The following TDRP variants were observed in gnomAD, a reference collection of about 807,000 sequenced individuals.
TDRP encodes testis development-related protein.
In TDRP, 12 loss-of-function variants were observed where a neutral mutation model predicts 10.5. That is an observed-to-expected ratio of 1.15 (90% CI 0.73 to 1.86). TDRP has a LOEUF of 1.86. Ranked by LOEUF, TDRP falls within the 40% of genes most tolerant of loss-of-function variation. TDRP has a pLI of 0.00. For synonymous variants in TDRP, 139 were observed against 95.4 expected, an observed-to-expected ratio of 1.46 and a Z score of -2.67; for missense variants, 353 against 229.2, an observed-to-expected ratio of 1.54 and a Z score of -3.49.
At chr8:541,451 A>G (rs1802493505) in intron 1 of TDRP, among the ~76,000 whole-genome samples, 1 of 152,248 alleles carries the variant, frequency 6.6e-6, no homozygotes, top group African/African-American at 2.4e-5. Flanking sequence ...TCTGAAAAAG[A>G]CACTGTCAAG....
chr8:516,071 C>A (rs1801749882), intron 1 of TDRP, among the ~76,000 whole-genome samples: 1 of 152,064 alleles, frequency 6.6e-6, no homozygotes, highest in Non-Finnish European at 1.5e-5. Context: ...AAAAATCATA[C>A]CTGAATGCCT....
In TDRP at chr8:494,718, G is replaced by A. The variant is rs1229046653; in HGVS notation, c.109-121C>T. On this transcript the variant is annotated intron_variant, in intron 1 of 2. Transcript: ENST00000324079. ...AAGAATTGGCAGAGCTTACATCTTA[G>A]CTTTCCATACCTGTGCGCACATAGT... 8.6e-6 allele frequency: 7 copies of A among 812,354 alleles called. No homozygotes were observed. The African/African-American group carries it at 1.0e-4, about 12-fold the overall frequency. The allele number at this position is 812,354 out of a possible 1,614,324, so 50.3% of individuals were successfully genotyped here.
At chr8:504,566 G>A (rs1268427036) in intron 1 of TDRP, among the ~76,000 whole-genome samples, 2 of 152,168 alleles carry the variant, frequency 1.3e-5, no homozygotes, top group African/African-American at 2.4e-5. Context: ...GCCACAAACC[G>A]TGATTCGCAG....
chr8:528,912 C>A (rs1480121226), intron 1 of TDRP, among the ~76,000 whole-genome samples: 1 of 152,058 alleles, frequency 6.6e-6, no homozygotes, highest in South Asian at 2.1e-4. Flanking sequence ...CAAGGTCCCA[C>A]AACAGGATGT....
At chr8:504,426 A>AG (rs1801398394) in intron 1 of TDRP, among the ~76,000 whole-genome samples, 1 of 152,104 alleles carries the variant, frequency 6.6e-6, no homozygotes. Context: ...GGGGGGAGGC[A>AG]GGGGAAGGGC....
At chr8:506,098 C>T (rs1217344562) in intron 1 of TDRP, among the ~76,000 whole-genome samples, 2 of 152,140 alleles carry the variant, frequency 1.3e-5, no homozygotes, top group African/African-American at 4.8e-5. Context: ...GGGGCAGAGC[C>T]ACATGAACAC....
intron 1 of TDRP, among the ~76,000 whole-genome samples, chr8:514,685 C>A (rs914581451): frequency 6.6e-6 from 1 of 152,198 alleles, no homozygotes; most frequent in Non-Finnish European, 1.5e-5. Context: ...CTACCAGTCA[C>A]CTCAGTGCCT....
chr8:542,739 C>T (rs13275729), intron 1 of TDRP, among the ~76,000 whole-genome samples: 103,462 of 151,252 alleles, frequency 0.68, 35,695 homozygotes, highest in Admixed American at 0.76. Flanking sequence ...GACACATGCT[C>T]GTAATCCCAG....
intron 1 of TDRP, among the ~76,000 whole-genome samples, chr8:498,951 G>T (rs374002766): frequency 6.6e-6 from 1 of 151,912 alleles, no homozygotes; most frequent in Admixed American, 6.6e-5. Context: ...ACCTCCTTAC[G>T]TAAGTTTCCT....
At chr8:519,467 C>T (rs1418365266) in intron 1 of TDRP, among the ~76,000 whole-genome samples, 1 of 152,096 alleles carries the variant, frequency 6.6e-6, no homozygotes, top group Admixed American at 6.5e-5. Context: ...TCTTAACTAC[C>T]TTCAAGTATA....
intron 1 of TDRP, among the ~76,000 whole-genome samples, chr8:535,405 C>G (rs2116866553): frequency 6.6e-6 from 1 of 152,188 alleles, no homozygotes; most frequent in Non-Finnish European, 1.5e-5. Context: ...AGACAGAACC[C>G]CAGCTAACGT....
intron 1 of TDRP, among the ~76,000 whole-genome samples, chr8:529,447 T>C (rs900303091): frequency 5.3e-5 from 8 of 152,230 alleles, no homozygotes; most frequent in African/African-American, 1.7e-4. Context: ...TTTGTCCACA[T>C]ATTTCCCTTT....
intron 1 of TDRP, among the ~76,000 whole-genome samples, chr8:517,586 A>C (rs1801792514): frequency 6.6e-6 from 1 of 152,096 alleles, no homozygotes; most frequent in African/African-American, 2.4e-5. Context: ...ATCCACCTAC[A>C]ACCTGGAAGC....
intron 1 of TDRP, among the ~76,000 whole-genome samples, chr8:536,996 T>A (rs1379067982): frequency 6.6e-6 from 1 of 152,150 alleles, no homozygotes. Context: ...AAATATCTGT[T>A]TACCCAAGAA....
chr8:492,772 G>T (rs777199147), intron 2 of TDRP, 28 bp from the exon 3 acceptor site: 16 of 1,530,214 alleles, frequency 1.0e-5, no homozygotes, highest in South Asian at 1.0e-4. Flanking sequence ...GTTAGGTGTT[G>T]GTGACCCAGG....
intron 1 of TDRP, among the ~76,000 whole-genome samples, chr8:523,384 T>G (rs1253101335): frequency 1.3e-5 from 2 of 152,180 alleles, no homozygotes; most frequent in African/African-American, 4.8e-5. Context: ...TCATCCTCCC[T>G]GAAGGAACAC....
chr8:502,415 C>G (rs1402159757), intron 1 of TDRP, among the ~76,000 whole-genome samples: 1 of 152,234 alleles, frequency 6.6e-6, no homozygotes, highest in Non-Finnish European at 1.5e-5. Flanking sequence ...GGCCAACGAC[C>G]CTTCAGGGTG....
At chr8:542,313 G>A (rs1271690987) in intron 1 of TDRP, among the ~76,000 whole-genome samples, 1 of 152,080 alleles carries the variant, frequency 6.6e-6, no homozygotes, top group African/African-American at 2.4e-5. Context: ...TACAATGGTG[G>A]GCAAACGTCA....
chr8:532,204 C>G (rs1423630051), intron 1 of TDRP, among the ~76,000 whole-genome samples: 1 of 152,176 alleles, frequency 6.6e-6, no homozygotes, highest in African/African-American at 2.4e-5. Flanking sequence ...CAGGACACAT[C>G]CAGGAAGGTG....
Sources: gnomAD v4.1 joint callset for allele counts (sites outside exome capture counted in the v4.1 genomes callset) on GRCh38, gnomAD v4.1.1 for gene constraint, MANE v1.5 for transcripts, NCBI Gene and HGNC (gene_info 2026-07-23, HGNC 2026-07-21) for gene names.